PTPRJ: variants seen among roughly 807,000 people sequenced by gnomAD.
PTPRJ encodes the protein receptor-type tyrosine-protein phosphatase eta.
In PTPRJ, 129 loss-of-function variants were observed where a neutral mutation model predicts 141.3. The ratio of observed to expected loss-of-function variants is 0.91; its 90% CI spans 0.79 to 1.06. The LOEUF is 1.06. PTPRJ is among the 50% of genes least tolerant of loss of function. The probability of loss-of-function intolerance (pLI) is 0.00; values close to 1 mark genes in which losing one functional copy is unlikely to be tolerated. For synonymous variants in PTPRJ, 610 were observed against 640.5 expected (o/e 0.95, Z 0.72); for missense variants, 1,601 against 1,679.7 (o/e 0.95, Z 0.82).
chr11:48,023,783 AAAATAAATAAATAAATAAAT>A (rs151301730), intron 1 of PTPRJ, among the ~76,000 whole-genome samples: 11 of 149,092 alleles, frequency 7.4e-5, no homozygotes, highest in African/African-American at 2.5e-4. Flanking sequence ...CTCGGACTCA[AAAATAAATAAATAAATAAAT>A]AAATAAATAA....
chr11:48,084,156 TTTGTTG>T (rs531230136), intron 1 of PTPRJ, among the ~76,000 whole-genome samples: 5 of 152,020 alleles, frequency 3.3e-5, no homozygotes, highest in African/African-American at 1.2e-4. Context: ...AATCTAGTTT[TTTGTTG>T]TTGTTGTTGT....
At chr11:48,086,861 G>GC (rs1565295882) in intron 1 of PTPRJ, among the ~76,000 whole-genome samples, 1 of 151,836 alleles carries the variant, frequency 6.6e-6, no homozygotes, top group Non-Finnish European at 1.5e-5. Flanking sequence ...TGTTCAGTCT[G>GC]TTTTTTTTCT....
chr11:48,139,877 T>C, intron 11 of PTPRJ, 101 bp downstream of exon 11: 1 of 1,210,748 alleles, frequency 8.3e-7, no homozygotes, highest in Non-Finnish European at 1.1e-6. Context: ...TCTGTTTTTG[T>C]TTTTTTATTT....
At chr11:48,159,071 G>A (rs1420046693) in intron 21 of PTPRJ, among the ~76,000 whole-genome samples, 6 of 146,142 alleles carry the variant, frequency 4.1e-5, no homozygotes, top group African/African-American at 1.5e-4. Context: ...AGAATACTGA[G>A]TGTGTGTGCG....
At chr11:48,153,362 G>A (rs533631359) in intron 18 of PTPRJ, among the ~76,000 whole-genome samples, 50 of 151,900 alleles carry the variant, frequency 3.3e-4, no homozygotes, top group South Asian at 1.2e-3. Context: ...GTGAAACCCC[G>A]TCTCTACTAA....
chr11:48,080,363 A>G (rs569947657), intron 1 of PTPRJ, among the ~76,000 whole-genome samples: 3 of 152,262 alleles, frequency 2.0e-5, no homozygotes, highest in African/African-American at 7.2e-5. Context: ...GGAAGTAGCT[A>G]TTGTCTCTCT....
chr11:48,006,423 G>A (rs905602446), intron 1 of PTPRJ, among the ~76,000 whole-genome samples: 1 of 152,118 alleles, frequency 6.6e-6, no homozygotes, highest in Non-Finnish European at 1.5e-5. Flanking sequence ...AGGTGTGGGA[G>A]GAAGTAGCCT....
intron 1 of PTPRJ, among the ~76,000 whole-genome samples, chr11:48,042,615 T>C (rs1647559137): frequency 6.6e-6 from 1 of 152,188 alleles, no homozygotes; most frequent in African/African-American, 2.4e-5. Context: ...TCCACTCTTC[T>C]AAACCAAAAC....
chr11:48,073,628 T>C (rs903306961), intron 1 of PTPRJ, among the ~76,000 whole-genome samples: 1 of 152,134 alleles, frequency 6.6e-6, no homozygotes, highest in African/African-American at 2.4e-5. Context: ...TTTGGACTCA[T>C]AGTGAAAGGA....
chr11:48,133,000 T>C (rs1857015613), intron 8 of PTPRJ, among the ~76,000 whole-genome samples: 1 of 152,236 alleles, frequency 6.6e-6, no homozygotes, highest in Non-Finnish European at 1.5e-5. Flanking sequence ...CTGAGGGAGA[T>C]GCATGATGTT....
intron 1 of PTPRJ, among the ~76,000 whole-genome samples, chr11:48,053,202 T>C (rs1476732420): frequency 1.0e-5 from 1 of 96,066 alleles, no homozygotes; most frequent in Middle Eastern, 3.9e-3. Context: ...AATATATAAA[T>C]ATATTATATA....
At chr11:48,056,344 T>A (rs929136329) in intron 1 of PTPRJ, among the ~76,000 whole-genome samples, 1 of 152,234 alleles carries the variant, frequency 6.6e-6, no homozygotes, top group Non-Finnish European at 1.5e-5. Flanking sequence ...ACCAGTTTAC[T>A]TGACCTCACT....
chr11:48,054,883 G>A (rs1222062100), intron 1 of PTPRJ, among the ~76,000 whole-genome samples: 3 of 151,504 alleles, frequency 2.0e-5, no homozygotes, highest in Non-Finnish European at 4.4e-5. Context: ...AACTGAAGGG[G>A]GGTATATAAA....
At chr11:48,082,410 A>T (rs1235506639) in intron 1 of PTPRJ, among the ~76,000 whole-genome samples, 35 of 125,252 alleles carry the variant, frequency 2.8e-4, no homozygotes, top group African/African-American at 8.9e-4. Flanking sequence ...TACCTGGCAA[A>T]TTTTTTTTTT....
intron 5 of PTPRJ, among the ~76,000 whole-genome samples, chr11:48,124,315 G>A (rs1321409759): frequency 2.0e-5 from 3 of 152,226 alleles, no homozygotes; most frequent in Non-Finnish European, 4.4e-5. Context: ...AGAAAACAGA[G>A]CTACAGAGTG....
At chr11:48,033,684 T>C (rs1433532394) in intron 1 of PTPRJ, among the ~76,000 whole-genome samples, 2 of 152,170 alleles carry the variant, frequency 1.3e-5, no homozygotes, top group Admixed American at 6.5e-5. Flanking sequence ...CAGTCGATCA[T>C]TGATCGGTGA....
chr11:48,156,160 A>G (rs1857594236), intron 21 of PTPRJ, 41 bp downstream of exon 21: 1 of 1,494,736 alleles, frequency 6.7e-7, no homozygotes, highest in Non-Finnish European at 9.2e-7. Flanking sequence ...AAATTACATT[A>G]ATTGCTTTTT....
chr11:48,107,842 G>A (rs1856334944), intron 1 of PTPRJ, among the ~76,000 whole-genome samples: 1 of 152,196 alleles, frequency 6.6e-6, no homozygotes, highest in Non-Finnish European at 1.5e-5. Flanking sequence ...CAGCACTTTG[G>A]GAAGCCAAGG....
intron 1 of PTPRJ, among the ~76,000 whole-genome samples, chr11:48,062,279 C>T (rs1436014483): frequency 6.6e-5 from 10 of 151,592 alleles, no homozygotes; most frequent in East Asian, 3.9e-4. Flanking sequence ...TTTGGGAGGC[C>T]GAGGCGGGCG....
Sources: gnomAD v4.1 joint callset for allele counts (sites outside exome capture counted in the v4.1 genomes callset) on GRCh38, gnomAD v4.1.1 for gene constraint, MANE v1.5 for transcripts, NCBI Gene and HGNC (gene_info 2026-07-23, HGNC 2026-07-21) for gene names.